NAV1: variants seen among roughly 807,000 people sequenced by gnomAD.
NAV1 encodes neuron navigator 1.
A neutral mutation model predicts 175.2 loss-of-function variants in NAV1; 18 were observed. That is an observed-to-expected ratio of 0.10 (90% confidence interval 0.07 to 0.15). The LOEUF (loss-of-function observed/expected upper bound fraction) is 0.15, where lower values mean the gene tolerates loss of function less well. Among genes scored for constraint, NAV1 ranks in the 10% least tolerant of loss-of-function variants. The probability of loss-of-function intolerance (pLI) is 1.00; values close to 1 mark genes in which losing one functional copy is unlikely to be tolerated. For synonymous variants in NAV1, 897 were observed against 978.7 expected (o/e 0.92, Z 1.56); for missense variants, 1,731 against 2,436.6 (o/e 0.71, Z 6.10).
At chr1:201,692,127 C>T (rs1571887584) in intron 1 of NAV1, among the ~76,000 whole-genome samples, 1 of 152,204 alleles carries the variant, frequency 6.6e-6, no homozygotes. Flanking sequence ...CGTTATTCAA[C>T]GAGCCTGTGT....
intron 15 of NAV1, among the ~76,000 whole-genome samples, chr1:201,802,678 G>T (rs1222573243): frequency 6.6e-6 from 1 of 151,648 alleles, no homozygotes; most frequent in East Asian, 1.9e-4. Context: ...TACTTGGGAG[G>T]CTGAGGCAGA....
At chr1:201,565,643 C>T (rs866471764) in intron 1 of NAV1, among the ~76,000 whole-genome samples, 9 of 152,204 alleles carry the variant, frequency 5.9e-5, no homozygotes, top group Non-Finnish European at 8.8e-5. Flanking sequence ...GAATTGCCTC[C>T]GTTGTGAGGC....
At chr1:201,580,028 G>A (rs190186654) in intron 1 of NAV1, among the ~76,000 whole-genome samples, 18 of 152,302 alleles carry the variant, frequency 1.2e-4, no homozygotes, top group Admixed American at 3.9e-4. Flanking sequence ...GGTCTCTGGC[G>A]CAAATCCCAG....
At chr1:201,758,457 A>T (rs932322279) in intron 3 of NAV1, among the ~76,000 whole-genome samples, 1 of 152,202 alleles carries the variant, frequency 6.6e-6, no homozygotes, top group Admixed American at 6.5e-5. Flanking sequence ...AGCCCTTCAG[A>T]TACTTGGAGC....
chr1:201,786,242 G>T (rs1676737236), intron 8 of NAV1, among the ~76,000 whole-genome samples, 187 bp from the exon 13 acceptor site: 1 of 152,124 alleles, frequency 6.6e-6, no homozygotes, highest in Admixed American at 6.5e-5. Flanking sequence ...CCCTCTGGAT[G>T]GTCTGGGAGA....
intron 1 of NAV1, among the ~76,000 whole-genome samples, chr1:201,679,549 A>G (rs575219934): frequency 3.5e-4 from 53 of 152,320 alleles, no homozygotes; most frequent in Non-Finnish European, 5.9e-4. Flanking sequence ...TACTTATTCT[A>G]TTTAATAACT....
Position 201,539,244 on chromosome 1 carries a change from G to GGAGC in NAV1, c.-242_-241insGAGC, listed in dbSNP as rs1399080994. ...CCTGGGGAGCCCCGGGAAACTTTGT[G>GGAGC]CTCGCGAGAAGCGGACCCCGCACCC... On this transcript the variant is annotated 5_prime_UTR_variant, in exon 1 of 34. Coordinates refer to the NAV1 transcript ENST00000685211. The surrounding 1 kb of genome is among the most constrained non-coding windows in gnomAD (Gnocchi z 5.6). 1.2e-4 allele frequency among the ~76,000 whole-genome samples: 19 copies of GGAGC among 152,284 alleles called. No individual in the cohort carries two copies. The highest frequency in any genetic ancestry group is 4.3e-4 in the African/African-American group (18 of 41,582).
chr1:201,714,335 T>G lies in NAV1; in HGVS notation c.860+1416T>G, dbSNP rs531629406. Reference sequence around the variant, plus strand: ...GTTCTTCCTGCTTAGATGACCCTTCTCCTTCTCCTTCCTTGTACTACTCCT... The same window carrying G: ...GTTCTTCCTGCTTAGATGACCCTTCGCCTTCTCCTTCCTTGTACTACTCCT... On this transcript the variant is annotated intron_variant, in intron 2 of 29. Coordinates refer to ENST00000367296, the Ensembl canonical transcript of NAV1. 2.0e-5 allele frequency among the ~76,000 whole-genome samples: 3 copies of G among 152,356 alleles called. No homozygotes were observed. In the East Asian group the frequency reaches 5.8e-4, roughly 29 times the overall value.
chr1:201,553,934 A>G (rs1266845488), intron 1 of NAV1, among the ~76,000 whole-genome samples: 1 of 152,242 alleles, frequency 6.6e-6, no homozygotes, highest in Non-Finnish European at 1.5e-5. Flanking sequence ...ACATCTATCC[A>G]GCATCAATAG....
At chr1:201,688,034 T>C (rs1163487137) in intron 1 of NAV1, among the ~76,000 whole-genome samples, 1 of 152,256 alleles carries the variant, frequency 6.6e-6, no homozygotes, top group Non-Finnish European at 1.5e-5. Flanking sequence ...TGATTACATG[T>C]GTCAGATGAA....
At chr1:201,781,096 C>T (rs756278684) in exon 5 of NAV1, 3 of 1,614,220 alleles carry the variant, frequency 1.9e-6, no homozygotes, top group African/African-American at 2.7e-5. Flanking sequence ...CCCTAAAAAA[C>T]TGGAGTACGA....
chr1:201,609,793 C>G (rs946237146), intron 2 of NAV1, among the ~76,000 whole-genome samples: 16 of 151,954 alleles, frequency 1.1e-4, no homozygotes, highest in South Asian at 2.1e-4. Flanking sequence ...GGAATCTAAG[C>G]TATTGTTAGG....
chr1:201,579,441 T>C (rs948053897), intron 1 of NAV1, among the ~76,000 whole-genome samples: 1 of 152,104 alleles, frequency 6.6e-6, no homozygotes, highest in African/African-American at 2.4e-5. Context: ...CTGCAACCTC[T>C]GCCTCCTGGG....
Position 201,573,419 on chromosome 1 carries a change from C to A in NAV1, c.-143-15120C>A, listed in dbSNP as rs1273013230. On this transcript the variant is annotated intron_variant, in intron 1 of 33. Coordinates refer to the NAV1 transcript ENST00000685211. ...GGAAGGGAGGGGAATAAAAACAAATCTTTTTGAAGTGGAGCCATGTGACCC... is the reference window on the plus strand; with the variant it reads ...GGAAGGGAGGGGAATAAAAACAAATATTTTTGAAGTGGAGCCATGTGACCC... Among the ~76,000 whole-genome samples, 7 of 152,274 alleles carry A rather than the reference C, an allele frequency of 4.6e-5. No individual in the cohort carries two copies. In the East Asian group the frequency reaches 9.7e-4, roughly 21 times the overall value.
At position 201,676,533 on chromosome 1, in the gene NAV1, C is replaced by A. The variant is rs865956601; in HGVS notation, c.757+27108C>A. ...CAGGGAGGCAAAGCAGGCCACACAGCGAGGGAAGCGGCTGGGGAGAGCTGA... is the reference window on the plus strand; with the variant it reads ...CAGGGAGGCAAAGCAGGCCACACAGAGAGGGAAGCGGCTGGGGAGAGCTGA... On this transcript the variant is annotated intron_variant, in intron 1 of 29. Coordinates refer to ENST00000367296, the Ensembl canonical transcript of NAV1. Among the ~76,000 whole-genome samples, 3 of 151,384 alleles carry A rather than the reference C, an allele frequency of 2.0e-5. No individual in the cohort carries two copies. In the South Asian group the frequency reaches 6.2e-4, roughly 31 times the overall value.
chr1:201,808,626 G>A lies in NAV1; in HGVS notation c.4038+16G>A. 1 of 1,614,232 alleles carries A rather than the reference G, an allele frequency of 6.2e-7. No individual in the cohort carries two copies. Among genetic ancestry groups the A allele is most frequent in the Non-Finnish European group, 8.5e-7 (1 of 1,180,046 alleles). On this transcript the variant is annotated intron_variant, in intron 19 of 29. Transcript: ENST00000367296. This position sits in a 1 kb window ranked among gnomAD's most constrained non-coding sequence, Gnocchi z 5.5. ...CAACATGCAGGTCAGTGTCTGGGCGGACAGCTGCAGGAAAGGGAAGACCAA... is the reference window on the plus strand; with the variant it reads ...CAACATGCAGGTCAGTGTCTGGGCGAACAGCTGCAGGAAAGGGAAGACCAA...
intron 3 of NAV1, among the ~76,000 whole-genome samples, chr1:201,779,272 T>G (rs1676149656): frequency 6.6e-6 from 1 of 152,032 alleles, no homozygotes; most frequent in South Asian, 2.1e-4. Context: ...GGGTAAACTT[T>G]CTGACTGAAA....
At chr1:201,774,570 C>T (rs1238805312) in intron 3 of NAV1, among the ~76,000 whole-genome samples, 1 of 152,088 alleles carries the variant, frequency 6.6e-6, no homozygotes, top group Non-Finnish European at 1.5e-5. Flanking sequence ...GCAAGAGGAT[C>T]ACTTGAACCC....
At chr1:201,798,701 T>C (rs1677630626) in intron 15 of NAV1, 1 of 124,264 alleles carries the variant, frequency 8.0e-6, no homozygotes, top group Non-Finnish European at 1.7e-5. Flanking sequence ...CTCTCTTTTT[T>C]TTTTTTTTTT....
Sources: allele counts gnomAD v4.1 joint callset (sites outside exome capture counted in the v4.1 genomes callset), GRCh38; gene constraint gnomAD v4.1.1; non-coding constraint Gnocchi (gnomAD v3.1); transcripts MANE v1.5; gene names NCBI Gene and HGNC (gene_info 2026-07-23, HGNC 2026-07-21).